Variants in LMO7 observed in about 807,000 individuals in gnomAD.
The protein encoded by LMO7 is LIM domain 7.
Under a neutral mutation model 206.5 loss-of-function variants are expected in LMO7, and 120 were observed. The observed-to-expected ratio is 0.58, with a 90% CI of 0.50 to 0.68. The LOEUF (loss-of-function observed/expected upper bound fraction) is 0.68, where lower values mean the gene tolerates loss of function less well. Ranked by LOEUF, LMO7 falls within the 30% of genes least tolerant of loss-of-function variation. The pLI is 0.00. For synonymous variants in LMO7, 706 were observed against 681.5 expected (o/e 1.04, Z -0.56); for missense variants, 1,959 against 1,957.9 (o/e 1.00, Z -0.01).
chr13:75,776,150 G>GTATATATATCGGATA (rs1594890710), intron 4 of LMO7, among the ~76,000 whole-genome samples: 1 of 45,614 alleles, frequency 2.2e-5, no homozygotes, highest in East Asian at 8.4e-4. Flanking sequence ...TATATGCCAT[G>GTATATATATCGGATA]TATATATATC....
At chr13:75,742,854 A>G (rs1445215443) in intron 3 of LMO7, among the ~76,000 whole-genome samples, 2 of 152,250 alleles carry the variant, frequency 1.3e-5, no homozygotes, top group Non-Finnish European at 2.9e-5. Flanking sequence ...AATTGCAACA[A>G]AAGCAAAAAT....
intron 1 of LMO7, among the ~76,000 whole-genome samples, chr13:75,653,622 G>A (rs367854273): frequency 6.6e-6 from 1 of 152,196 alleles, no homozygotes; most frequent in East Asian, 1.9e-4. Context: ...CAGTGACTTG[G>A]ACCTGTAGCT....
intron 8 of LMO7, 195 bp from the exon 9 acceptor site, chr13:75,805,284 G>C (rs752853779): frequency 2.1e-6 from 2 of 944,726 alleles, no homozygotes; most frequent in Non-Finnish European, 3.0e-6. Flanking sequence ...TGGCCCGTGT[G>C]TATCTAGCTA....
In LMO7 at chr13:75,817,169, C is replaced by G; in HGVS notation, c.1955C>G (p.Ser652Cys). The G allele has an allele frequency of 1.2e-6, 2 of 1,611,906 alleles. No individual in the cohort carries two copies. The highest frequency in any genetic ancestry group is 1.7e-6 in the Non-Finnish European group (2 of 1,178,164). Reference sequence around the variant, plus strand: ...GAGTCTTTTTGTTGTAGGAGTAAGTCCATGAGTGATGTCAGCGCAGAAGAT... The same window carrying G: ...GAGTCTTTTTGTTGTAGGAGTAAGTGCATGAGTGATGTCAGCGCAGAAGAT... ...QKIYGENGSK[S>C]MSDVSAEDVQ... Residue 652 changes from serine (S) to cysteine (C), a missense_variant, in exon 12 of 31, where the codon TCC becomes TGC. Coordinates refer to ENST00000377534, the MANE Select transcript of LMO7 (RefSeq NM_001306080.2).
chr13:75,849,152 A>G lies in LMO7; in HGVS notation c.4224A>G (p.Pro1408=), dbSNP rs200112175. Residue 1408 remains proline (P), a synonymous_variant, in exon 27 of 31, where the codon CCA becomes CCG. Coordinates refer to ENST00000377534, the MANE Select transcript of LMO7 (RefSeq NM_001306080.2). ...SQRRSKKEQV[P]SGAELERQQI... Reference sequence around the variant, plus strand: ...GGAGATCCAAGAAAGAACAAGTACCATCAGGAGCAGAATTGGAGAGGCAAC... The same window carrying G: ...GGAGATCCAAGAAAGAACAAGTACCGTCAGGAGCAGAATTGGAGAGGCAAC... 7.3e-5 allele frequency: 117 copies of G among 1,613,718 alleles called. No homozygotes were observed. The highest frequency in any genetic ancestry group is 2.7e-4 in the Admixed American group (16 of 60,002).
intron 1 of LMO7, among the ~76,000 whole-genome samples, chr13:75,646,159 TC>T (rs1322776882): frequency 2.6e-5 from 4 of 152,198 alleles, no homozygotes; most frequent in South Asian, 2.1e-4. Context: ...TGCTCAGGCT[TC>T]CAAATTTGAA....
rs1195817411 is a variant in LMO7, at chr13:75,732,825, T to A, written c.210+5727T>A. On this transcript the variant is annotated intron_variant, in intron 3 of 30. Transcript: ENST00000377534. ...TGGTGTGGATGTCCTTTCTGTTTGT[T>A]AGTTTTCCTTCTAACAGACAGGACC... Among the ~76,000 whole-genome samples, 4 of 152,176 alleles carry A rather than the reference T, an allele frequency of 2.6e-5. No homozygotes were observed. The East Asian group carries it at 7.7e-4, about 29-fold the overall frequency.
chr13:75,805,484 AGAG>A lies in LMO7; in HGVS notation c.926_928del (p.Arg309del). 1 of 1,613,652 alleles carries A rather than the reference AGAG, an allele frequency of 6.2e-7. No homozygotes were observed. Among genetic ancestry groups the A allele is most frequent in the Non-Finnish European group, 8.5e-7 (1 of 1,179,632 alleles). On this transcript the variant is annotated inframe_deletion, in exon 9 of 31. Coordinates refer to ENST00000377534, the MANE Select transcript of LMO7 (RefSeq NM_001306080.2). ...CGGTTGGATGTTTTGAACAGTAATC[AGAG>A]GAGGATTTGGGGCACCAATGTGGAG...
chr13:75,755,370 T>C lies in LMO7; in HGVS notation c.211-5562T>C, dbSNP rs572301163. Among the ~76,000 whole-genome samples the C allele has an allele frequency of 1.7e-4, 26 of 152,292 alleles. No homozygotes were observed. In the South Asian group the frequency reaches 5.2e-3, roughly 30 times the overall value. ...GTTTTCTCTCCCTTGTTTTCCATAA[T>C]GGTATTCTCTTCCCTTGTTTTCCGT... On this transcript the variant is annotated intron_variant, in intron 3 of 30. Transcript: ENST00000377534.
intron 11 of LMO7, among the ~76,000 whole-genome samples, chr13:75,810,680 A>C (rs961390379): frequency 1.3e-5 from 2 of 152,280 alleles, no homozygotes; most frequent in African/African-American, 4.8e-5. Context: ...ATTAAATATA[A>C]CTTTATAATG....
rs1401107872 is a variant in LMO7 at position 75,636,693 on chromosome 13, C to T, written c.36C>T (p.Ser12=). The T allele has an allele frequency of 1.2e-6, 2 of 1,609,564 alleles. No individual in the cohort carries two copies. The highest frequency in any genetic ancestry group is 1.7e-6 in the Non-Finnish European group (2 of 1,178,744). The stretch of plus-strand genomic sequence containing the variant: ...TGGAGGAGGCAGAGGCCAACTGCTC[C>T]GTGGCGTTCGCTGAGGCTCAGAGAT... ...EGLEEAEANC[S]VAFAEAQRWV... The change falls in exon 1 of 31, where the codon TCC becomes TCT. Residue 12 remains serine (S), a synonymous_variant. Transcript: ENST00000377534.
chr13:75,773,957 A>G (rs1035678097), intron 4 of LMO7, among the ~76,000 whole-genome samples: 37 of 151,892 alleles, frequency 2.4e-4, no homozygotes, highest in Admixed American at 2.0e-3. Context: ...TTTTTTGCCT[A>G]TGCTTTCTTG....
intron 3 of LMO7, among the ~76,000 whole-genome samples, chr13:75,729,110 G>T (rs1188432673): frequency 4.0e-5 from 6 of 150,350 alleles, no homozygotes; most frequent in Middle Eastern, 3.5e-3. Flanking sequence ...GGTGATGCGG[G>T]CTCTTTTTTG....
intron 1 of LMO7, among the ~76,000 whole-genome samples, chr13:75,693,715 G>A (rs1362098440): frequency 2.0e-5 from 3 of 152,150 alleles, no homozygotes; most frequent in Non-Finnish European, 4.4e-5. Context: ...TTCCCCCAGC[G>A]TAGGTGCCAT....
chr13:75,776,557 C>T (rs903088095), intron 4 of LMO7, among the ~76,000 whole-genome samples: 4 of 152,028 alleles, frequency 2.6e-5, no homozygotes, highest in Non-Finnish European at 5.9e-5. Flanking sequence ...CCAATAACTT[C>T]GATTGTGATT....
chr13:75,728,825 G>A (rs1269963851), intron 3 of LMO7, among the ~76,000 whole-genome samples: 1 of 139,656 alleles, frequency 7.2e-6, no homozygotes, highest in East Asian at 2.1e-4. Context: ...AAGGGATCCA[G>A]TTTCAGCTTT....
At chr13:75,755,393 C>T (rs1027786748) in intron 3 of LMO7, among the ~76,000 whole-genome samples, 5 of 151,936 alleles carry the variant, frequency 3.3e-5, no homozygotes, top group South Asian at 2.1e-4. Flanking sequence ...CCTTGTTTTC[C>T]GTATGCTATT....
At chr13:75,651,657 A>G (rs779358553) in intron 1 of LMO7, among the ~76,000 whole-genome samples, 9 of 152,120 alleles carry the variant, frequency 5.9e-5, no homozygotes, top group Non-Finnish European at 7.4e-5. Flanking sequence ...CAGCAACCAT[A>G]TCTGTACTTG....
At chr13:75,793,546 G>T in intron 4 of LMO7, among the ~76,000 whole-genome samples, 1 of 152,190 alleles carries the variant, frequency 6.6e-6, no homozygotes, top group East Asian at 1.9e-4. Context: ...AAAGTGCTGG[G>T]ATTACAGGCA....
Sources: allele counts gnomAD v4.1 joint callset (sites outside exome capture counted in the v4.1 genomes callset), GRCh38; gene constraint gnomAD v4.1.1; transcripts MANE v1.5; gene names NCBI Gene and HGNC (gene_info 2026-07-23, HGNC 2026-07-21).